SLC1A2: variants seen among roughly 807,000 people sequenced by gnomAD.
The protein encoded by SLC1A2 is excitatory amino acid transporter 2.
Under a neutral mutation model 48.8 loss-of-function variants are expected in SLC1A2, and 15 were observed. The observed-to-expected ratio is 0.31, with a 90% confidence interval of 0.21 to 0.47. The LOEUF is 0.47. Ranked by LOEUF, SLC1A2 falls within the 20% of genes least tolerant of loss-of-function variation. The probability of loss-of-function intolerance (pLI) is 0.99; values close to 1 mark genes in which losing one functional copy is unlikely to be tolerated. For synonymous variants in SLC1A2, 279 were observed against 272.6 expected, an observed-to-expected ratio of 1.02 and a Z score of -0.23; for missense variants, 502 against 730.5, an observed-to-expected ratio of 0.69 and a Z score of 3.61.
intron 1 of SLC1A2, among the ~76,000 whole-genome samples, chr11:35,392,586 T>C (rs1195570489): frequency 6.6e-6 from 1 of 152,178 alleles, no homozygotes; most frequent in African/African-American, 2.4e-5. Context: ...AGACCAGAAA[T>C]CTGAGAGAGC....
intron 1 of SLC1A2, among the ~76,000 whole-genome samples, chr11:35,417,992 G>C (rs955428258): frequency 6.6e-6 from 1 of 152,162 alleles, no homozygotes; most frequent in Non-Finnish European, 1.5e-5. Flanking sequence ...TTTTGTGATC[G>C]CTTGCAAGTG....
chr11:35,273,987 CAG>C (rs1239223998), intron 9 of SLC1A2, among the ~76,000 whole-genome samples: 1 of 152,056 alleles, frequency 6.6e-6, no homozygotes, highest in East Asian at 1.9e-4. Flanking sequence ...GAGGGGTGTC[CAG>C]AGAGCTGGGG....
intron 1 of SLC1A2, among the ~76,000 whole-genome samples, chr11:35,356,108 G>C (rs1565270988): frequency 1.3e-5 from 2 of 152,152 alleles, no homozygotes; most frequent in Non-Finnish European, 2.9e-5. Context: ...CAGGTTGTAG[G>C]ATGTCTAGCA....
intron 1 of SLC1A2, among the ~76,000 whole-genome samples, chr11:35,376,071 C>G (rs948071321): frequency 6.6e-6 from 1 of 152,038 alleles, no homozygotes; most frequent in Non-Finnish European, 1.5e-5. Context: ...ATCTATTAGG[C>G]TTAAAAACTC....
intron 1 of SLC1A2, among the ~76,000 whole-genome samples, chr11:35,319,963 C>T (rs1852004660): frequency 6.6e-6 from 1 of 152,158 alleles, no homozygotes; most frequent in Non-Finnish European, 1.5e-5. Flanking sequence ...ACTCAGCTCG[C>T]AGCTGGAAAC....
chr11:35,272,381 G>A (rs1850302472), intron 9 of SLC1A2, among the ~76,000 whole-genome samples: 1 of 152,226 alleles, frequency 6.6e-6, no homozygotes, highest in African/African-American at 2.4e-5. Flanking sequence ...CTAGAATACA[G>A]AGCCCTCTCA....
In SLC1A2 at chr11:35,265,756, T is replaced by C; in HGVS notation, c.1424A>G (p.Asp475Gly). 1 of 1,602,966 alleles carries C rather than the reference T, an allele frequency of 6.2e-7. No individual in the cohort carries two copies. The highest frequency in any genetic ancestry group is 8.5e-7 in the Non-Finnish European group (1 of 1,170,530). The change falls in exon 10 of 11, where the codon GAC (aspartate) becomes GGC (glycine). Residue 475 changes from aspartate (D) to glycine (G), a missense_variant and splice_region_variant. By Grantham distance (94) the Asp-to-Gly change is moderately conservative. Coordinates refer to ENST00000278379, the MANE Select transcript of SLC1A2 (RefSeq NM_004171.4). Reference protein sequence around the residue: ...SLLVAVDWLLDRMRTSVNVVG... With the variant: ...SLLVAVDWLLGRMRTSVNVVG... Reference sequence around the variant, plus strand: ...AACATTGACTGAAGTTCTCATCCTGTCCCTGGGGACAAAGAACAGAAAAGG... The same window carrying C: ...AACATTGACTGAAGTTCTCATCCTGCCCCTGGGGACAAAGAACAGAAAAGG...
At chr11:35,268,685 A>G (rs184308607) in intron 9 of SLC1A2, among the ~76,000 whole-genome samples, 51 of 152,078 alleles carry the variant, frequency 3.4e-4, no homozygotes, top group Non-Finnish European at 2.5e-4. Context: ...AGAAAGAAAG[A>G]AAAGAAAACA....
intron 3 of SLC1A2, among the ~76,000 whole-genome samples, chr11:35,314,194 T>A (rs889281340): frequency 1.3e-5 from 2 of 152,224 alleles, no homozygotes; most frequent in Non-Finnish European, 2.9e-5. Flanking sequence ...TAACAAATCA[T>A]ACATTGGCCA....
At chr11:35,291,670 C>G (rs753902084) in intron 7 of SLC1A2, 7 of 153,274 alleles carry the variant, frequency 4.6e-5, no homozygotes, top group Non-Finnish European at 8.7e-5. Flanking sequence ...CTACATATCT[C>G]TGGGGTCCTC....
chr11:35,361,609 C>T (rs1282707478), intron 1 of SLC1A2, among the ~76,000 whole-genome samples: 1 of 152,050 alleles, frequency 6.6e-6, no homozygotes, highest in Non-Finnish European at 1.5e-5. Flanking sequence ...GAAGAGGGGA[C>T]AAATGGGTGA....
At chr11:35,358,712 T>C (rs974201366) in intron 1 of SLC1A2, among the ~76,000 whole-genome samples, 8 of 152,206 alleles carry the variant, frequency 5.3e-5, no homozygotes, top group Non-Finnish European at 1.0e-4. Flanking sequence ...TACTGAATAT[T>C]GTCCCACTTC....
At chr11:35,309,336 C>T (rs1380912791) in intron 4 of SLC1A2, among the ~76,000 whole-genome samples, 1 of 152,198 alleles carries the variant, frequency 6.6e-6, no homozygotes, top group Non-Finnish European at 1.5e-5. Context: ...CCTGGCAGCC[C>T]GTCCTGCTCA....
In SLC1A2 at chr11:35,292,531, C is replaced by A. The variant is rs1350955201; in HGVS notation, c.858-11G>T. On this transcript the variant is annotated splice_polypyrimidine_tract_variant and intron_variant, in intron 6 of 10. Coordinates refer to ENST00000278379, the MANE Select transcript of SLC1A2 (RefSeq NM_004171.4). ...CCCAGGGGAGAGTACCTGAAAAACA[C>A]AAAAGGGAAAAACAGCATTGAAGAG... 7 of 1,568,698 alleles carry A rather than the reference C, an allele frequency of 4.5e-6. No individual in the cohort carries two copies. The African/African-American group carries it at 5.4e-5, about 12-fold the overall frequency.
intron 8 of SLC1A2, among the ~76,000 whole-genome samples, chr11:35,282,185 A>G (rs1030964181): frequency 2.6e-5 from 4 of 151,272 alleles, no homozygotes; most frequent in Admixed American, 2.0e-4. Context: ...TGATCTACAG[A>G]CCCCCCAACC....
At chr11:35,265,965 C>T (rs774893905) in intron 9 of SLC1A2, among the ~76,000 whole-genome samples, 2 of 152,062 alleles carry the variant, frequency 1.3e-5, no homozygotes, top group African/African-American at 2.4e-5. Context: ...TCTCATAGGC[C>T]GTGTGAAAAT....
chr11:35,269,828 G>A (rs533088906), intron 9 of SLC1A2, among the ~76,000 whole-genome samples: 15 of 152,306 alleles, frequency 9.8e-5, no homozygotes, highest in Non-Finnish European at 1.8e-4. Context: ...AAAGCAGACT[G>A]GCCGGATGCA....
At chr11:35,359,835 A>T (rs1853613340) in intron 1 of SLC1A2, among the ~76,000 whole-genome samples, 1 of 152,252 alleles carries the variant, frequency 6.6e-6, no homozygotes, top group African/African-American at 2.4e-5. Flanking sequence ...CCTAAGGAAG[A>T]TCTCATTCAC....
At chr11:35,261,108 T>C (rs1950388045) in intron 10 of SLC1A2, 143 bp from the exon 11 acceptor site, 1 of 686,878 alleles carries the variant, frequency 1.5e-6, no homozygotes, top group African/African-American at 1.8e-5. Flanking sequence ...CCAAATTGAA[T>C]TTGAACCTGT....
Sources: allele counts gnomAD v4.1 joint callset (sites outside exome capture counted in the v4.1 genomes callset), GRCh38; gene constraint gnomAD v4.1.1; transcripts MANE v1.5; gene names NCBI Gene and HGNC (gene_info 2026-07-23, HGNC 2026-07-21).